Variants in LIPJ observed in about 807,000 individuals in gnomAD.
The protein encoded by LIPJ is lipase family member J, also known as lipase member J.
A neutral mutation model predicts 39.8 loss-of-function variants in LIPJ; 33 were observed. That is an observed-to-expected ratio of 0.83 (90% CI 0.63 to 1.11). The LOEUF (loss-of-function observed/expected upper bound fraction) is 1.11, where lower values mean the gene tolerates loss of function less well. Ranked by LOEUF, LIPJ falls within the 50% of genes least tolerant of loss-of-function variation. The pLI, the probability that LIPJ is intolerant of heterozygous loss-of-function variation, is 0.00. For synonymous variants in LIPJ, 128 were observed against 139.2 expected (o/e 0.92, Z 0.57); for missense variants, 422 against 427.9 (o/e 0.99, Z 0.12).
the LIPJ span, among the ~76,000 whole-genome samples, chr10:88,613,534 A>G: frequency 6.6e-6 from 1 of 151,816 alleles, no homozygotes; most frequent in African/African-American, 2.4e-5. Flanking sequence ...TGAGGGTGCA[A>G]TGGAATCTCA....
At chr10:88,613,800 ATGTGTGTGTGTGTGTG>A in the LIPJ span, among the ~76,000 whole-genome samples, 72 of 74,018 alleles carry the variant, frequency 9.7e-4, no homozygotes, top group Admixed American at 1.5e-3. Flanking sequence ...ATATATATAT[ATGTGTGTGTGTGTGTG>A]TATATATATA....
downstream of LIPJ, among the ~76,000 whole-genome samples, chr10:88,608,477 A>G (rs1851712498): frequency 6.6e-6 from 1 of 152,204 alleles, no homozygotes; most frequent in Non-Finnish European, 1.5e-5. Context: ...GGGAAGATAA[A>G]CTTTTCTTCA....
At chr10:88,583,664 C>T, upstream of LIPJ, 1 of 988,896 alleles carries the variant, frequency 1.0e-6, no homozygotes, top group Non-Finnish European at 1.2e-6. Context: ...GCAACCTTTC[C>T]TCTAATGCTT....
At chr10:88,588,170 A>G (rs1850969683) in intron 2 of LIPJ, among the ~76,000 whole-genome samples, 1 of 151,908 alleles carries the variant, frequency 6.6e-6, no homozygotes, top group Non-Finnish European at 1.5e-5. Context: ...GACTATAAAT[A>G]AACAATTTTC....
intron 8 of LIPJ, among the ~76,000 whole-genome samples, chr10:88,599,686 TATAC>T (rs1397362433): frequency 1.3e-5 from 2 of 150,648 alleles, no homozygotes; most frequent in East Asian, 3.9e-4. Flanking sequence ...TACATACATA[TATAC>T]ACACACACAC....
downstream of LIPJ, chr10:88,607,003 A>C: frequency 7.7e-7 from 1 of 1,300,570 alleles, no homozygotes; most frequent in Non-Finnish European, 9.9e-7. Context: ...CATTTTTAAA[A>C]CTAAATATGT....
chr10:88,583,303 G>C (rs2134525548), upstream of LIPJ: 1 of 1,477,728 alleles, frequency 6.8e-7, no homozygotes, highest in Non-Finnish European at 8.9e-7. Flanking sequence ...GTGCTCCCTG[G>C]GCCGACCTGG....
intron 9 of LIPJ, among the ~76,000 whole-genome samples, chr10:88,604,749 T>C (rs543935574): frequency 2.0e-5 from 3 of 152,138 alleles, no homozygotes; most frequent in Non-Finnish European, 4.4e-5. Flanking sequence ...ATTGATGACA[T>C]TGAGTAAGCA....
At chr10:88,583,717 G>A, upstream of LIPJ, 1 of 985,712 alleles carries the variant, frequency 1.0e-6, no homozygotes, top group Non-Finnish European at 1.2e-6. Context: ...TTTGGAATCT[G>A]GGAGACATTT....
chr10:88,597,923 AT>A (rs901232817), intron 8 of LIPJ, among the ~76,000 whole-genome samples: 3 of 151,706 alleles, frequency 2.0e-5, no homozygotes, highest in African/African-American at 4.8e-5. Flanking sequence ...CCAATTCTAT[AT>A]TTTTTTGTAA....
At chr10:88,601,215 T>C (rs1851464119) in intron 8 of LIPJ, among the ~76,000 whole-genome samples, 1 of 152,142 alleles carries the variant, frequency 6.6e-6, no homozygotes, top group Non-Finnish European at 1.5e-5. Context: ...CCCAAACTGC[T>C]GGGATTTAAT....
chr10:88,591,668 G>A (rs1329418749), intron 4 of LIPJ, 170 bp downstream of exon 4: 13 of 448,592 alleles, frequency 2.9e-5, no homozygotes, highest in Admixed American at 1.2e-4. Context: ...AAGATACACC[G>A]GCCTTCTGGT....
At chr10:88,586,549 C>T (rs1053579108), upstream of LIPJ, among the ~76,000 whole-genome samples, 2 of 152,090 alleles carry the variant, frequency 1.3e-5, no homozygotes, top group African/African-American at 2.4e-5. Flanking sequence ...CCTAAAATAG[C>T]CACCCAGTGA....
At chr10:88,601,864 A>G (rs528051926) in intron 8 of LIPJ, among the ~76,000 whole-genome samples, 10 of 152,294 alleles carry the variant, frequency 6.6e-5, no homozygotes, top group Non-Finnish European at 1.3e-4. Flanking sequence ...GAATAGTAAG[A>G]CAGGCCTTTT....
intron 3 of LIPJ, 21 bp from the exon 4 acceptor site, chr10:88,591,357 A>G (rs1851073234): frequency 6.4e-7 from 1 of 1,569,530 alleles, no homozygotes. Context: ...ATGCTAAAAG[A>G]TTTGCTTTTT....
upstream of LIPJ, chr10:88,583,124 G>T (rs1290364097): frequency 1.2e-6 from 2 of 1,614,112 alleles, no homozygotes; most frequent in Non-Finnish European, 1.7e-6. Context: ...CCGGACGTCT[G>T]CCTCCTCAGC....
At position 88,590,705 on chromosome 10, in the gene LIPJ, T is replaced by C. The variant is rs1223508432; in HGVS notation, c.9+9T>C. ...AAGCAGATATGAATATTGTAAGTTG[T>C]TAGAAAATAAATCTGGACTGCTGAA... On this transcript the variant is annotated intron_variant, in intron 3 of 10. Transcript: ENST00000371939. The C allele has an allele frequency of 1.3e-5, 20 of 1,591,290 alleles. No individual in the cohort carries two copies. Among genetic ancestry groups the C allele is most frequent in the Non-Finnish European group, 1.7e-5 (20 of 1,162,670 alleles).
intron 9 of LIPJ, among the ~76,000 whole-genome samples, 199 bp downstream of exon 9, chr10:88,602,846 C>G (rs1471963599): frequency 1.3e-5 from 2 of 152,124 alleles, no homozygotes; most frequent in Non-Finnish European, 2.9e-5. Flanking sequence ...AATCCCAGCA[C>G]TTTGGGAGGC....
intron 2 of LIPJ, among the ~76,000 whole-genome samples, 183 bp downstream of exon 2, chr10:88,587,575 C>T (rs1850951235): frequency 6.6e-6 from 1 of 152,040 alleles, no homozygotes; most frequent in African/African-American, 2.4e-5. Context: ...AGTACTTTTG[C>T]TAAATGGGTG....
Sources: gnomAD v4.1 joint callset for allele counts (sites outside exome capture counted in the v4.1 genomes callset) on GRCh38, gnomAD v4.1.1 for gene constraint, MANE v1.5 for transcripts, NCBI Gene and HGNC (gene_info 2026-07-23, HGNC 2026-07-21) for gene names.